The following SMARCD2 variants were observed in gnomAD, a reference collection of about 807,000 sequenced individuals.
SMARCD2 encodes the protein SWI/SNF-related matrix-associated actin-dependent regulator of chromatin subfamily D member 2.
A neutral mutation model predicts 70.4 loss-of-function variants in SMARCD2; 39 were observed. The ratio of observed to expected loss-of-function variants is 0.55; its 90% CI spans 0.43 to 0.72. The LOEUF is 0.72. SMARCD2 is among the 30% of genes least tolerant of loss of function. The pLI, the probability that SMARCD2 is intolerant of heterozygous loss-of-function variation, is 0.00. For missense variants in SMARCD2, 540 were observed against 713.4 expected (o/e 0.76, Z 2.77); for synonymous variants, 249 against 279.4 (o/e 0.89, Z 1.08).
rs775599501 is a variant in SMARCD2, at chr17:63,837,386, C to T, written c.401+55G>A. The T allele has an allele frequency of 5.7e-5, 89 of 1,559,284 alleles. No individual in the cohort carries two copies. The highest frequency in any genetic ancestry group is 4.8e-5 in the Non-Finnish European group (55 of 1,138,070). ...AAAGCTCTTAAGATAGAAGGAAACC[C>T]TCTGCTACCACCAGAGCTGAGTTAG... On this transcript the variant is annotated intron_variant, in intron 2 of 12. Transcript: ENST00000448276. This position sits in a 1 kb window ranked among gnomAD's most constrained non-coding sequence, Gnocchi z 6.4.
chr17:63,836,453 C>T (rs1189350413), intron 4 of SMARCD2, among the ~76,000 whole-genome samples: 1 of 144,826 alleles, frequency 6.9e-6, no homozygotes, highest in East Asian at 2.0e-4. Flanking sequence ...GAGCCGAGAT[C>T]GCAACACTGC....
Position 63,832,260 on chromosome 17 carries a change from C to A in SMARCD2, c.*678G>T. ...CCATACCTCAGGCCATGCTAGAGAA[C>A]TGGAGTGTCCCCTCCCCGGCCCAAG... On this transcript the variant is annotated 3_prime_UTR_variant, in exon 13 of 13. Coordinates refer to ENST00000448276, the MANE Select transcript of SMARCD2 (RefSeq NM_001098426.2). 2.2e-6 allele frequency: 1 copy of A among 454,158 alleles called. No individual in the cohort carries two copies. The highest frequency in any genetic ancestry group is 3.8e-5 in the Admixed American group (1 of 26,554). The allele number at this position is 454,158 out of a possible 1,614,324, so 28.1% of individuals were successfully genotyped here.
chr17:63,840,720 C>T (rs1187850028), intron 1 of SMARCD2, among the ~76,000 whole-genome samples: 1 of 152,186 alleles, frequency 6.6e-6, no homozygotes, highest in African/African-American at 2.4e-5. Context: ...GGAAAGAAGG[C>T]AAATAGGATC....
chr17:63,842,352 G>A, intron 1 of SMARCD2, 107 bp downstream of exon 1: 1 of 1,195,816 alleles, frequency 8.4e-7, no homozygotes, highest in Non-Finnish European at 1.0e-6. Context: ...GTCTCCCGGA[G>A]TTCCTCATGC....
At chr17:63,838,799 C>T (rs1416321059) in intron 1 of SMARCD2, 2 of 1,270,712 alleles carry the variant, frequency 1.6e-6, no homozygotes, top group East Asian at 3.1e-5. Context: ...CCAACCAAGC[C>T]CGGCAGGGTG....
At position 63,837,338 on chromosome 17, in the gene SMARCD2, G is replaced by A; in HGVS notation, c.402-101C>T. ...CTCCAGGACCCTCTCCCCCAGGAGA[G>A]CCTGGAGTCATCCTCAGTCACCAAA... On this transcript the variant is annotated intron_variant, in intron 2 of 12. Transcript: ENST00000448276. This position sits in a 1 kb window ranked among gnomAD's most constrained non-coding sequence, Gnocchi z 6.4. The A allele has an allele frequency of 6.6e-7, 1 of 1,515,620 alleles. No individual in the cohort carries two copies. Among genetic ancestry groups the A allele is most frequent in the Non-Finnish European group, 9.2e-7 (1 of 1,090,862 alleles). The allele number at this position is 1,515,620 out of a possible 1,614,324, so 93.9% of individuals were successfully genotyped here.
chr17:63,841,605 G>C lies in SMARCD2; in HGVS notation c.216+854C>G, dbSNP rs190673233. Among the ~76,000 whole-genome samples, 810 of 152,358 alleles carry C rather than the reference G, an allele frequency of 5.3e-3. 5 individuals are homozygous for C. The highest frequency in any genetic ancestry group is 0.018 in the African/African-American group (739 of 41,556). On this transcript the variant is annotated intron_variant, in intron 1 of 12. Transcript: ENST00000448276. Reference sequence around the variant, plus strand: ...TGAGGTCCTCACACACTGAGCAGAAGTCGCTGCTTTGCAAGGGCTTTTGAA... The same window carrying C: ...TGAGGTCCTCACACACTGAGCAGAACTCGCTGCTTTGCAAGGGCTTTTGAA...
At chr17:63,838,679 C>A in intron 1 of SMARCD2, 1 of 1,428,128 alleles carries the variant, frequency 7.0e-7, no homozygotes, top group Admixed American at 2.6e-5. Context: ...CCCGCCTCCC[C>A]ATGGCTGCTG....
chr17:63,841,031 A>G (rs1193677257), intron 1 of SMARCD2, among the ~76,000 whole-genome samples: 2 of 152,190 alleles, frequency 1.3e-5, no homozygotes, highest in East Asian at 3.9e-4. Context: ...CCAAGGCCAA[A>G]GGCCCACAGA....
rs1389989822 is a variant in SMARCD2, at chr17:63,837,969, A to AG, written c.217-345dup. Among the ~76,000 whole-genome samples, 8 of 152,234 alleles carry AG rather than the reference A, an allele frequency of 5.3e-5. 1 individual carries two copies. The East Asian group carries it at 1.2e-3, about 22-fold the overall frequency. On this transcript the variant is annotated intron_variant, in intron 1 of 12. Transcript: ENST00000448276. The surrounding 1 kb of genome is among the most constrained non-coding windows in gnomAD (Gnocchi z 6.4). The stretch of plus-strand genomic sequence containing the variant: ...CATGCTGTGCCCTATTCCCTGGGCA[A>AG]GCTGGTCCCTATTCTCTCAGACAGT...
At chr17:63,835,056 T>C in intron 5 of SMARCD2, 2 of 545,362 alleles carry the variant, frequency 3.7e-6, no homozygotes, top group Admixed American at 3.4e-5. Flanking sequence ...CAAATCAACC[T>C]CCAACGGGCT....
rs2040209888 is a variant in SMARCD2, at chr17:63,832,875, G to A, written c.*63C>T. 1 of 1,452,086 alleles carries A rather than the reference G, an allele frequency of 6.9e-7. No individual in the cohort carries two copies. Among genetic ancestry groups the A allele is most frequent in the Admixed American group, 2.0e-5 (1 of 50,876 alleles). The allele number at this position is 1,452,086 out of a possible 1,614,324, so 90.0% of individuals were successfully genotyped here. The stretch of plus-strand genomic sequence containing the variant: ...CCCAGCCTACGTGTCTGCGGCCCCA[G>A]CAAGGACCCAGAGGGTGGTCTCCCT... On this transcript the variant is annotated 3_prime_UTR_variant, in exon 13 of 13. Transcript: ENST00000448276.
intron 1 of SMARCD2, among the ~76,000 whole-genome samples, chr17:63,841,663 G>A (rs548100680): frequency 1.3e-5 from 2 of 152,362 alleles, no homozygotes; most frequent in East Asian, 1.9e-4. Context: ...AAACCCCAAA[G>A]GGGTCAGGAC....
intron 1 of SMARCD2, among the ~76,000 whole-genome samples, chr17:63,838,449 G>A (rs930561110): frequency 2.6e-5 from 4 of 152,122 alleles, no homozygotes; most frequent in African/African-American, 9.7e-5. Flanking sequence ...GGCACCACCT[G>A]GCAGCCAGGA....
In SMARCD2 at chr17:63,832,209, T is replaced by G; in HGVS notation, c.*729A>C. ...GTCCTCCCAGCCTCCCCATTCACCT[T>G]ACCCTGGCCTCCACATGCACATACC... On this transcript the variant is annotated 3_prime_UTR_variant, in exon 13 of 13. Transcript: ENST00000448276. 1.8e-6 allele frequency: 1 copy of G among 565,528 alleles called. No homozygotes were observed. The highest frequency in any genetic ancestry group is 2.0e-5 in the South Asian group (1 of 50,030). 35.0% of individuals were successfully genotyped at this position (565,528 alleles called of 1,614,324 possible).
Position 63,833,427 on chromosome 17 carries a change from AG to A in SMARCD2, c.1318-8del. 1 of 1,613,732 alleles carries A rather than the reference AG, an allele frequency of 6.2e-7. No individual in the cohort carries two copies. Among genetic ancestry groups the A allele is most frequent in the South Asian group, 1.1e-5 (1 of 91,066 alleles). On this transcript the variant is annotated splice_region_variant and splice_polypyrimidine_tract_variant and intron_variant, in intron 10 of 12. Coordinates refer to ENST00000448276, the MANE Select transcript of SMARCD2 (RefSeq NM_001098426.2). The surrounding 1 kb of genome is among the most constrained non-coding windows in gnomAD (Gnocchi z 4.3). ...ACTCAATGGTCTCATGGATCTGGAG[AG>A]GGTACCTGTGTCAGACTGTGCCCCC... is the stretch of plus-strand genomic sequence containing the variant.
chr17:63,840,816 G>A (rs941093585), intron 1 of SMARCD2, among the ~76,000 whole-genome samples: 7 of 152,204 alleles, frequency 4.6e-5, no homozygotes, highest in African/African-American at 1.7e-4. Context: ...AGTGGGATGG[G>A]AAACCCAGAC....
chr17:63,833,438 G>A lies in SMARCD2; in HGVS notation c.1318-18C>T, dbSNP rs2040220767. 3 of 1,613,654 alleles carry A rather than the reference G, an allele frequency of 1.9e-6. No homozygotes were observed. Among genetic ancestry groups the A allele is most frequent in the Non-Finnish European group, 2.5e-6 (3 of 1,179,684 alleles). On this transcript the variant is annotated intron_variant, in intron 10 of 12. Transcript: ENST00000448276. This position sits in a 1 kb window ranked among gnomAD's most constrained non-coding sequence, Gnocchi z 4.3. ...TCATGGATCTGGAGAGGGTACCTGT[G>A]TCAGACTGTGCCCCCAAAGCTTACA...
In SMARCD2 at chr17:63,837,022, G is replaced by C; in HGVS notation, c.467C>G (p.Ser156Cys). The change falls in exon 4 of 13, where the codon TCT becomes TGT. Residue 156 changes from serine (S) to cysteine (C), a missense_variant. Physicochemically the swap from Ser to Cys is moderately radical, Grantham distance 112. Coordinates refer to ENST00000448276, the MANE Select transcript of SMARCD2 (RefSeq NM_001098426.2). The surrounding 1 kb of genome is among the most constrained non-coding windows in gnomAD (Gnocchi z 6.4). Reference sequence around the variant, plus strand: ...AGCCAAGAGATCCATGTACGCCTGAGACTCTGGAACAAGCTCCCGGATCTG... The same window carrying C: ...AGCCAAGAGATCCATGTACGCCTGACACTCTGGAACAAGCTCCCGGATCTG... ...PQRIRELVPE[S>C]QAYMDLLAFE... 3.1e-6 allele frequency: 5 copies of C among 1,613,798 alleles called. No homozygotes were observed. The highest frequency in any genetic ancestry group is 1.3e-5 in the African/African-American group (1 of 75,068).
Sources: gnomAD v4.1 joint callset for allele counts (sites outside exome capture counted in the v4.1 genomes callset) on GRCh38, gnomAD v4.1.1 for gene constraint, Gnocchi (gnomAD v3.1) non-coding constraint, MANE v1.5 for transcripts, NCBI Gene and HGNC (gene_info 2026-07-23, HGNC 2026-07-21) for gene names.